Variants in CNGB3 observed in about 807,000 individuals in gnomAD.
CNGB3 encodes cyclic nucleotide gated channel subunit beta 3, also known as cyclic nucleotide-gated channel beta-3.
Under a neutral mutation model 92.8 loss-of-function variants are expected in CNGB3, and 86 were observed. That is an observed-to-expected ratio of 0.93 (90% CI 0.78 to 1.11). CNGB3 has a LOEUF of 1.11. CNGB3 is among the 50% of genes least tolerant of loss of function. CNGB3 has a pLI of 0.00. For synonymous variants in CNGB3, 333 were observed against 332.7 expected (o/e 1.00, Z -0.01); for missense variants, 1,026 against 956.8 (o/e 1.07, Z -0.95).
intron 3 of CNGB3, among the ~76,000 whole-genome samples, chr8:86,700,421 C>T (rs542691739): frequency 3.5e-4 from 54 of 152,266 alleles, no homozygotes; most frequent in Non-Finnish European, 5.3e-4. Flanking sequence ...AAGTGATAGT[C>T]ATGGTAAAAA....
In CNGB3 at chr8:86,579,143, A is replaced by T. The variant is rs1466880702; in HGVS notation, c.1891T>A (p.Tyr631Asn). Residue 631 changes from tyrosine to asparagine, a missense_variant, in exon 16 of 18, where the codon TAT becomes AAT. Coordinates refer to ENST00000320005, the MANE Select transcript of CNGB3 (RefSeq NM_019098.5). Reference sequence around the variant, plus strand: ...ATGAGGATCCTTTCAGAATCTGGATAATGCACTAGAATTTCTTGGAGGGTC... The same window carrying T: ...ATGAGGATCCTTTCAGAATCTGGATTATGCACTAGAATTTCTTGGAGGGTC... Reference protein sequence around the residue: ...KKTLQEILVHYPDSERILMKK... With the variant: ...KKTLQEILVHNPDSERILMKK... 3 of 1,614,158 alleles carry T rather than the reference A, an allele frequency of 1.9e-6. No homozygotes were observed. In the South Asian group the frequency reaches 3.3e-5, roughly 18 times the overall value.
intron 3 of CNGB3, among the ~76,000 whole-genome samples, chr8:86,701,062 C>T (rs1824546714): frequency 6.6e-6 from 1 of 152,204 alleles, no homozygotes; most frequent in Admixed American, 6.5e-5. Context: ...AAAATCCCTG[C>T]CTCCGCAGCC....
At chr8:86,621,718 T>A (rs1018214198) in intron 13 of CNGB3, among the ~76,000 whole-genome samples, 7 of 152,282 alleles carry the variant, frequency 4.6e-5, no homozygotes, top group Admixed American at 2.6e-4. Context: ...CTCCCACTTA[T>A]AAATGAGTAT....
intron 6 of CNGB3, chr8:86,660,261 A>G (rs1349065364): frequency 3.3e-6 from 1 of 303,532 alleles, no homozygotes; most frequent in Non-Finnish European, 6.6e-6. Flanking sequence ...GGCCACAGCC[A>G]ATTTGCTCTG....
In CNGB3 at chr8:86,669,597, C is replaced by A. The variant is rs144571069; in HGVS notation, c.493+1347G>T. Among the ~76,000 whole-genome samples, 1,389 of 152,180 alleles carry A rather than the reference C, an allele frequency of 9.1e-3. 20 individuals are homozygous for A. Among genetic ancestry groups the A allele is most frequent in the African/African-American group, 0.032 (1,316 of 41,514 alleles). On this transcript the variant is annotated intron_variant, in intron 4 of 17. Coordinates refer to ENST00000320005, the MANE Select transcript of CNGB3 (RefSeq NM_019098.5). The stretch of plus-strand genomic sequence containing the variant: ...AATATTCTTTTCAATATATCTTTAT[C>A]GAAGTATAATAACTATGATTTCTTT...
At chr8:86,614,983 A>G (rs1003038327) in intron 13 of CNGB3, among the ~76,000 whole-genome samples, 5 of 152,196 alleles carry the variant, frequency 3.3e-5, no homozygotes, top group African/African-American at 1.2e-4. Context: ...ACAACTGTGG[A>G]TGGAGAATAT....
chr8:86,609,475 T>C (rs927908162), intron 14 of CNGB3, among the ~76,000 whole-genome samples: 4 of 152,192 alleles, frequency 2.6e-5, no homozygotes, highest in Non-Finnish European at 5.9e-5. Flanking sequence ...TCCCCCTTCA[T>C]CTCTGAAAGC....
rs370702192 is a variant in CNGB3, at chr8:86,602,573, G to A, written c.1781+1520C>T. On this transcript the variant is annotated intron_variant, in intron 15 of 17. Coordinates refer to ENST00000320005, the MANE Select transcript of CNGB3 (RefSeq NM_019098.5). ...ATAATTCATTAGCAATGGTGTCCTGGGAAAGATATAGTACTTGGCATCTTG... is the reference window on the plus strand; with the variant it reads ...ATAATTCATTAGCAATGGTGTCCTGAGAAAGATATAGTACTTGGCATCTTG... Among the ~76,000 whole-genome samples the A allele has an allele frequency of 2.6e-5, 4 of 152,186 alleles. 1 individual carries two copies.
At chr8:86,722,571 G>C (rs1055563499) in intron 3 of CNGB3, among the ~76,000 whole-genome samples, 1 of 152,156 alleles carries the variant, frequency 6.6e-6, no homozygotes, top group Non-Finnish European at 1.5e-5. Context: ...CATTATTCTG[G>C]TTGTGTCTTT....
intron 13 of CNGB3, among the ~76,000 whole-genome samples, chr8:86,617,431 C>T (rs7823042): frequency 0.33 from 50,725 of 151,912 alleles, 9,665 homozygotes; most frequent in African/African-American, 0.52. Flanking sequence ...CTTTGTTCTA[C>T]CTTAAACCCC....
intron 3 of CNGB3, among the ~76,000 whole-genome samples, chr8:86,699,094 A>T (rs752816868): frequency 6.6e-6 from 1 of 152,142 alleles, no homozygotes; most frequent in Non-Finnish European, 1.5e-5. Flanking sequence ...GGAGGAAGTG[A>T]TCATTAGAGT....
At chr8:86,582,502 AAAC>A (rs1769260071) in intron 15 of CNGB3, among the ~76,000 whole-genome samples, 1 of 152,192 alleles carries the variant, frequency 6.6e-6, no homozygotes, top group Admixed American at 6.5e-5. Flanking sequence ...AAAAGAAACA[AAAC>A]AAATGAAAAA....
chr8:86,646,334 C>T (rs1183059917), intron 8 of CNGB3, among the ~76,000 whole-genome samples: 1 of 150,920 alleles, frequency 6.6e-6, no homozygotes, highest in Non-Finnish European at 1.5e-5. Context: ...GGATAAAGAA[C>T]CTCTGAAGTT....
chr8:86,672,153 C>T (rs1823873099), intron 3 of CNGB3, among the ~76,000 whole-genome samples: 1 of 152,096 alleles, frequency 6.6e-6, no homozygotes, highest in South Asian at 2.1e-4. Context: ...GGCTGGAGTG[C>T]AGTGGTGTGA....
At chr8:86,589,413 T>C (rs912143886) in intron 15 of CNGB3, among the ~76,000 whole-genome samples, 2 of 151,106 alleles carry the variant, frequency 1.3e-5, no homozygotes, top group Non-Finnish European at 2.9e-5. Flanking sequence ...CTTCTCTAGT[T>C]CTTTTAATTG....
At chr8:86,695,365 TTA>T (rs1491012463) in intron 3 of CNGB3, among the ~76,000 whole-genome samples, 21 of 74,672 alleles carry the variant, frequency 2.8e-4, no homozygotes, top group African/African-American at 1.8e-3. Context: ...TTTTAAAAAA[TTA>T]TTTTTTTCTT....
At chr8:86,657,277 G>A (rs188625408) in intron 6 of CNGB3, 29 of 275,586 alleles carry the variant, frequency 1.1e-4, no homozygotes, top group African/African-American at 4.1e-4. Context: ...GTCTTACCTT[G>A]CTCCTCTAAG....
chr8:86,692,491 C>T (rs1334037005), intron 3 of CNGB3, among the ~76,000 whole-genome samples: 1 of 152,068 alleles, frequency 6.6e-6, no homozygotes, highest in Non-Finnish European at 1.5e-5. Context: ...CCCTCTTTGT[C>T]TTTCTTAACT....
chr8:86,582,101 A>T (rs1201096363), intron 15 of CNGB3, among the ~76,000 whole-genome samples: 2 of 89,844 alleles, frequency 2.2e-5, no homozygotes, highest in African/African-American at 6.4e-5. Flanking sequence ...CAGATATTGG[A>T]GTTATTAGGA....
Sources: allele counts gnomAD v4.1 joint callset (sites outside exome capture counted in the v4.1 genomes callset), GRCh38; gene constraint gnomAD v4.1.1; transcripts MANE v1.5; gene names NCBI Gene and HGNC (gene_info 2026-07-23, HGNC 2026-07-21).